Variants in USP6NL observed in about 807,000 individuals in gnomAD.
The protein encoded by USP6NL is USP6 N-terminal-like protein.
A neutral mutation model predicts 61.9 loss-of-function variants in USP6NL; 26 were observed. That is an observed-to-expected ratio of 0.42 (90% CI 0.31 to 0.58). USP6NL has a LOEUF of 0.58. USP6NL is among the 20% of genes least tolerant of loss of function. The pLI is 0.16. For synonymous variants in USP6NL, 432 were observed against 390.1 expected, an observed-to-expected ratio of 1.11 and a Z score of -1.27; for missense variants, 1,114 against 1,034.3, an observed-to-expected ratio of 1.08 and a Z score of -1.06.
chr10:11,550,474 G>A (rs889459461), intron 2 of USP6NL, among the ~76,000 whole-genome samples: 25 of 152,112 alleles, frequency 1.6e-4, no homozygotes, highest in Admixed American at 2.6e-4. Context: ...AAGCAAAAGA[G>A]GCCGAGCACT....
At position 11,589,524 on chromosome 10, in the gene USP6NL, A is replaced by G. The variant is rs1838090225; in HGVS notation, c.4+8107T>C. On this transcript the variant is annotated intron_variant, in intron 2 of 14. Transcript: ENST00000609104. This position sits in a 1 kb window ranked among gnomAD's most constrained non-coding sequence, Gnocchi z 4.7. ...TTACATAAAAACTTAATACATATAT[A>G]CATGTTAGCTTTTACAAATTTCTCT... 6.6e-6 allele frequency among the ~76,000 whole-genome samples: 1 copy of G among 152,194 alleles called. No homozygotes were observed. The highest frequency in any genetic ancestry group is 2.1e-4 in the South Asian group (1 of 4,826).
In USP6NL at chr10:11,489,869, G is replaced by A. The variant is rs576018498; in HGVS notation, c.544-647C>T. 6.6e-5 allele frequency among the ~76,000 whole-genome samples: 10 copies of A among 152,344 alleles called. No individual in the cohort carries two copies. The highest frequency in any genetic ancestry group is 1.9e-4 in the East Asian group (1 of 5,194). On this transcript the variant is annotated intron_variant, in intron 9 of 14. Transcript: ENST00000609104. The surrounding 1 kb of genome is among the most constrained non-coding windows in gnomAD (Gnocchi z 5.7). ...AGAGACTGTAATCAGATGGGGGTAC[G>A]TACTGGAACAGAATGCTCACAATGA... is the stretch of plus-strand genomic sequence containing the variant.
At chr10:11,609,916 G>A (rs1838833034) in intron 1 of USP6NL, among the ~76,000 whole-genome samples, 1 of 152,142 alleles carries the variant, frequency 6.6e-6, no homozygotes, top group Non-Finnish European at 1.5e-5. Context: ...TATTAAAACT[G>A]GTAATGGACT....
chr10:11,531,613 C>T lies in USP6NL; in HGVS notation c.5-4046G>A, dbSNP rs151103016. Among the ~76,000 whole-genome samples the T allele has an allele frequency of 3.5e-3, 528 of 151,570 alleles. 4 individuals are homozygous for T. Among genetic ancestry groups the T allele is most frequent in the Middle Eastern group, 0.017 (5 of 294 alleles). The stretch of plus-strand genomic sequence containing the variant: ...GATTACAGGAGTGAGCCACCGCACC[C>T]GCTTAGATTAACTACTTTAAATATC... On this transcript the variant is annotated intron_variant, in intron 2 of 14. Coordinates refer to ENST00000609104, the MANE Select transcript of USP6NL (RefSeq NM_014688.5).
chr10:11,464,739 G>GAACCCACGT (rs1832376660), intron 14 of USP6NL, among the ~76,000 whole-genome samples: 1 of 152,230 alleles, frequency 6.6e-6, no homozygotes, highest in South Asian at 2.1e-4. Flanking sequence ...ACAGCTGGCA[G>GAACCCACGT]AACCCACGTT....
In USP6NL at chr10:11,489,797, T is replaced by A. The variant is rs1833633005; in HGVS notation, c.544-575A>T. On this transcript the variant is annotated intron_variant, in intron 9 of 14. Transcript: ENST00000609104. This position sits in a 1 kb window ranked among gnomAD's most constrained non-coding sequence, Gnocchi z 5.7. ...TGACCCCAGGGGAACAGTTATTTGGTTGCACTGACTCATCAGACACTGTCT... is the reference window on the plus strand; with the variant it reads ...TGACCCCAGGGGAACAGTTATTTGGATGCACTGACTCATCAGACACTGTCT... Among the ~76,000 whole-genome samples the A allele has an allele frequency of 6.6e-6, 1 of 152,196 alleles. No individual in the cohort carries two copies. The highest frequency in any genetic ancestry group is 1.5e-5 in the Non-Finnish European group (1 of 68,032).
In USP6NL at chr10:11,481,247, C is replaced by T. The variant is rs1833184282; in HGVS notation, c.1078+523G>A. Reference sequence around the variant, plus strand: ...ATAAAATATATTATCTATACTGTAGCATACTACAAAGAGCCCTGGGCTAGT... The same window carrying T: ...ATAAAATATATTATCTATACTGTAGTATACTACAAAGAGCCCTGGGCTAGT... On this transcript the variant is annotated intron_variant, in intron 14 of 14. Transcript: ENST00000609104. This position sits in a 1 kb window ranked among gnomAD's most constrained non-coding sequence, Gnocchi z 4.4. Among the ~76,000 whole-genome samples, 1 of 152,178 alleles carries T rather than the reference C, an allele frequency of 6.6e-6. No individual in the cohort carries two copies.
At chr10:11,570,526 G>A (rs1156913101) in intron 2 of USP6NL, among the ~76,000 whole-genome samples, 1 of 152,178 alleles carries the variant, frequency 6.6e-6, no homozygotes, top group Admixed American at 6.5e-5. Flanking sequence ...TGGTCGTTCG[G>A]TTCTCTACCT....
intron 7 of USP6NL, 102 bp downstream of exon 7, chr10:11,500,999 A>C (rs1834161697): frequency 5.5e-6 from 5 of 903,872 alleles, no homozygotes; most frequent in Non-Finnish European, 7.8e-6. Flanking sequence ...ATTTTAATAT[A>C]ATTTTAAGTG....
At chr10:11,573,288 T>G (rs1315390880) in intron 2 of USP6NL, among the ~76,000 whole-genome samples, 1 of 152,152 alleles carries the variant, frequency 6.6e-6, no homozygotes, top group African/African-American at 2.4e-5. Context: ...ATTACAAAAA[T>G]TATTCTTCTA....
intron 6 of USP6NL, among the ~76,000 whole-genome samples, chr10:11,505,750 A>T (rs1834402712): frequency 6.6e-6 from 1 of 152,228 alleles, no homozygotes. Context: ...TAAAACAGTG[A>T]CAAGTGTGCA....
rs1838364506 is a variant in USP6NL, at chr10:11,597,360, T to C, written c.4+271A>G. Among the ~76,000 whole-genome samples, 1 of 152,172 alleles carries C rather than the reference T, an allele frequency of 6.6e-6. No homozygotes were observed. The highest frequency in any genetic ancestry group is 1.5e-5 in the Non-Finnish European group (1 of 68,014). On this transcript the variant is annotated intron_variant, in intron 2 of 14. Coordinates refer to ENST00000609104, the MANE Select transcript of USP6NL (RefSeq NM_014688.5). The surrounding 1 kb of genome is among the most constrained non-coding windows in gnomAD (Gnocchi z 4.6). ...TGAAGAACCGTTTTCCAATGGCAAG[T>C]CAATAGAAAATTTTAGATCACAGAA...
intron 5 of USP6NL, among the ~76,000 whole-genome samples, chr10:11,514,558 G>A (rs1457426763): frequency 6.6e-6 from 1 of 152,076 alleles, no homozygotes; most frequent in African/African-American, 2.4e-5. Context: ...CCGTCTGAGT[G>A]GCAATGTCTC....
In USP6NL at chr10:11,478,257, G is replaced by A. The variant is rs565915621; in HGVS notation, c.1078+3513C>T. On this transcript the variant is annotated intron_variant, in intron 14 of 14. Transcript: ENST00000609104. This position sits in a 1 kb window ranked among gnomAD's most constrained non-coding sequence, Gnocchi z 6.8. Reference sequence around the variant, plus strand: ...CTCCAACGCCAGTGGCAGCAGCGACGTCCACACACCTGAGGCTGTGGAGAA... The same window carrying A: ...CTCCAACGCCAGTGGCAGCAGCGACATCCACACACCTGAGGCTGTGGAGAA... Among the ~76,000 whole-genome samples the A allele has an allele frequency of 1.9e-4, 29 of 152,278 alleles. No homozygotes were observed. Among genetic ancestry groups the A allele is most frequent in the African/African-American group, 3.4e-4 (14 of 41,566 alleles).
At chr10:11,556,557 T>C (rs1341402186) in intron 2 of USP6NL, among the ~76,000 whole-genome samples, 1 of 151,920 alleles carries the variant, frequency 6.6e-6, no homozygotes, top group Non-Finnish European at 1.5e-5. Context: ...ACTCAGCAAA[T>C]ACGAAAGTAA....
chr10:11,494,543 G>C (rs1190480874), intron 7 of USP6NL, among the ~76,000 whole-genome samples: 3 of 152,306 alleles, frequency 2.0e-5, no homozygotes, highest in Non-Finnish European at 4.4e-5. Context: ...GCTGGGCCCA[G>C]GGGACCACTA....
intron 5 of USP6NL, among the ~76,000 whole-genome samples, chr10:11,512,568 A>C (rs1470510473): frequency 6.6e-6 from 1 of 152,224 alleles, no homozygotes; most frequent in Non-Finnish European, 1.5e-5. Flanking sequence ...AGCACACATG[A>C]GCAGCCTTTC....
chr10:11,561,918 A>C lies in USP6NL; in HGVS notation c.5-34351T>G, dbSNP rs1836947330. Among the ~76,000 whole-genome samples the C allele has an allele frequency of 6.6e-6, 1 of 152,200 alleles. No homozygotes were observed. The highest frequency in any genetic ancestry group is 2.4e-5 in the African/African-American group (1 of 41,444). On this transcript the variant is annotated intron_variant, in intron 2 of 14. Transcript: ENST00000609104. The surrounding 1 kb of genome is among the most constrained non-coding windows in gnomAD (Gnocchi z 4.1). ...CATTATTGTTTATATATGCATTCTC[A>C]AACAATGTAATTTCCTATCCAGTAT...
intron 14 of USP6NL, among the ~76,000 whole-genome samples, chr10:11,464,065 T>C (rs1832332335): frequency 6.6e-6 from 1 of 152,174 alleles, no homozygotes; most frequent in Admixed American, 6.5e-5. Context: ...TAGAGACTGA[T>C]ACTAAAACAT....
Sources: gnomAD v4.1 joint callset for allele counts (sites outside exome capture counted in the v4.1 genomes callset) on GRCh38, gnomAD v4.1.1 for gene constraint, Gnocchi (gnomAD v3.1) non-coding constraint, MANE v1.5 for transcripts, NCBI Gene and HGNC (gene_info 2026-07-23, HGNC 2026-07-21) for gene names.